Variants in SSBP2 observed in about 807,000 individuals in gnomAD.
The protein encoded by SSBP2 is single stranded DNA binding protein 2, also known as single-stranded DNA-binding protein 2.
Under a neutral mutation model 61.8 loss-of-function variants are expected in SSBP2, and 17 were observed. The ratio of observed to expected loss-of-function variants is 0.28; its 90% CI spans 0.19 to 0.41. The LOEUF (loss-of-function observed/expected upper bound fraction) is 0.41, where lower values mean the gene tolerates loss of function less well. Ranked by LOEUF, SSBP2 falls within the 10% of genes least tolerant of loss-of-function variation. The probability of loss-of-function intolerance (pLI) is 1.00; values close to 1 mark genes in which losing one functional copy is unlikely to be tolerated. For synonymous variants in SSBP2, 139 were observed against 141.3 expected, an observed-to-expected ratio of 0.98 and a Z score of 0.12; for missense variants, 310 against 458.7, an observed-to-expected ratio of 0.68 and a Z score of 2.96.
At chr5:81,607,249 G>A (rs537972189) in intron 4 of SSBP2, among the ~76,000 whole-genome samples, 133 of 152,188 alleles carry the variant, frequency 8.7e-4, no homozygotes, top group Middle Eastern at 6.8e-3. Flanking sequence ...GTGATAAACA[G>A]GACAAGATAA....
intron 10 of SSBP2, among the ~76,000 whole-genome samples, chr5:81,460,656 A>G (rs896731848): frequency 6.6e-6 from 1 of 152,224 alleles, no homozygotes; most frequent in Admixed American, 6.5e-5. Flanking sequence ...TATAGCAAAT[A>G]AAATCATAAT....
At position 81,622,824 on chromosome 5, in the gene SSBP2, T is replaced by C. The variant is rs148950907; in HGVS notation, c.198-7267A>G. 2.3e-4 allele frequency among the ~76,000 whole-genome samples: 35 copies of C among 152,324 alleles called. No individual in the cohort carries two copies. In the Middle Eastern group the frequency reaches 0.01, roughly 44 times the overall value. Reference sequence around the variant, plus strand: ...AGAAAACATTCTGTAAGCCTTACAATGCAAAGTTAAGTTCATAATTAATTC... The same window carrying C: ...AGAAAACATTCTGTAAGCCTTACAACGCAAAGTTAAGTTCATAATTAATTC... On this transcript the variant is annotated intron_variant, in intron 3 of 16. Transcript: ENST00000320672.
chr5:81,665,684 TA>T (rs1561670400), intron 1 of SSBP2, among the ~76,000 whole-genome samples: 1 of 152,092 alleles, frequency 6.6e-6, no homozygotes, highest in Non-Finnish European at 1.5e-5. Context: ...TTAGTAGTAG[TA>T]GTAGAGACGG....
At chr5:81,536,961 A>C (rs2154112868) in intron 4 of SSBP2, among the ~76,000 whole-genome samples, 1 of 151,900 alleles carries the variant, frequency 6.6e-6, no homozygotes, top group South Asian at 2.1e-4. Flanking sequence ...CTGAGATCAC[A>C]ACACTGCACT....
intron 1 of SSBP2, among the ~76,000 whole-genome samples, chr5:81,742,004 G>A (rs773882534): frequency 4.6e-5 from 7 of 152,054 alleles, no homozygotes; most frequent in African/African-American, 7.2e-5. Context: ...ACCTTGGAAC[G>A]AAAAAACTCT....
In SSBP2 at chr5:81,542,817, T is replaced by TTCTCTCTCTCTCTCTCTCTCTC. The variant is rs60252222; in HGVS notation, c.283-29122_283-29101dup. ...ATGGTTTTTATAAGTATTTGACAGT[T>TTCTCTCTCTCTCTCTCTCTCTC]TCTCTCTCTCTCTCTCTCTCTCTCT... is the stretch of plus-strand genomic sequence containing the variant. On this transcript the variant is annotated intron_variant, in intron 4 of 16. Transcript: ENST00000320672. 6.2e-3 allele frequency among the ~76,000 whole-genome samples: 660 copies of TTCTCTCTCTCTCTCTCTCTCTC among 106,704 alleles called. 32 individuals are homozygous for TTCTCTCTCTCTCTCTCTCTCTC. The highest frequency in any genetic ancestry group is 0.02 in the African/African-American group (486 of 24,562). The allele number at this position is 106,704 out of a possible 152,430, so 70.0% of individuals were successfully genotyped here. A position where few individuals can be genotyped will look rare whatever the true frequency, so the allele number is the denominator to read the frequency against.
At chr5:81,644,520 T>C (rs1280282939) in intron 2 of SSBP2, among the ~76,000 whole-genome samples, 2 of 152,200 alleles carry the variant, frequency 1.3e-5, no homozygotes, top group African/African-American at 2.4e-5. Context: ...AAAAATTCCC[T>C]GTAGCAAGGA....
intron 1 of SSBP2, among the ~76,000 whole-genome samples, chr5:81,651,344 ATGAG>A (rs1314627405): frequency 6.6e-6 from 1 of 152,182 alleles, no homozygotes; most frequent in Admixed American, 6.6e-5. Context: ...ATTTACAAAA[ATGAG>A]TATTTTCCTT....
chr5:81,702,758 G>C (rs1050761817), intron 1 of SSBP2, among the ~76,000 whole-genome samples: 1 of 152,168 alleles, frequency 6.6e-6, no homozygotes, highest in Non-Finnish European at 1.5e-5. Flanking sequence ...ATAAAATTGA[G>C]ATTTATTTTT....
chr5:81,693,617 A>C (rs12520757), intron 1 of SSBP2, among the ~76,000 whole-genome samples: 1 of 152,230 alleles, frequency 6.6e-6, no homozygotes, highest in Admixed American at 6.5e-5. Flanking sequence ...ACCAAACAAA[A>C]GTTCAATGAG....
At chr5:81,432,528 C>T (rs976408927) in intron 15 of SSBP2, among the ~76,000 whole-genome samples, 1 of 152,134 alleles carries the variant, frequency 6.6e-6, no homozygotes, top group Non-Finnish European at 1.5e-5. Context: ...AGGCAGATCA[C>T]GATGTCAGGA....
chr5:81,558,964 ATTAT>A (rs1299139720), intron 4 of SSBP2, among the ~76,000 whole-genome samples: 1 of 152,224 alleles, frequency 6.6e-6, no homozygotes, highest in African/African-American at 2.4e-5. Context: ...GTTTTTAAAA[ATTAT>A]TTATAGGCCG....
chr5:81,458,353 AG>A (rs1378543079), intron 10 of SSBP2, among the ~76,000 whole-genome samples: 1 of 152,236 alleles, frequency 6.6e-6, no homozygotes, highest in African/African-American at 2.4e-5. Flanking sequence ...TTAGTTTTTT[AG>A]GAAATATACA....
At chr5:81,573,330 T>A (rs1048287728) in intron 4 of SSBP2, among the ~76,000 whole-genome samples, 2 of 152,246 alleles carry the variant, frequency 1.3e-5, no homozygotes, top group Non-Finnish European at 2.9e-5. Context: ...TAAACACAGA[T>A]AATCCCAGAA....
chr5:81,609,044 C>T (rs1247900307), intron 4 of SSBP2, among the ~76,000 whole-genome samples: 2 of 152,064 alleles, frequency 1.3e-5, no homozygotes, highest in Non-Finnish European at 2.9e-5. Context: ...AACTGAAATG[C>T]TTTGGTTAAA....
At chr5:81,670,676 T>C (rs1166853492) in intron 1 of SSBP2, among the ~76,000 whole-genome samples, 2 of 152,222 alleles carry the variant, frequency 1.3e-5, no homozygotes, top group Non-Finnish European at 2.9e-5. Context: ...TCCTCCTCGC[T>C]TTACCACTAT....
chr5:81,710,660 A>G (rs1043862533), intron 1 of SSBP2: 5 of 452,968 alleles, frequency 1.1e-5, no homozygotes, highest in African/African-American at 1.0e-4. Flanking sequence ...GCACATTTCC[A>G]TAGAAACAAA....
intron 10 of SSBP2, among the ~76,000 whole-genome samples, chr5:81,458,949 C>T (rs1435029168): frequency 6.6e-6 from 1 of 152,082 alleles, no homozygotes; most frequent in Non-Finnish European, 1.5e-5. Flanking sequence ...GAATGATAGG[C>T]CTCCTCCACT....
intron 6 of SSBP2, among the ~76,000 whole-genome samples, chr5:81,484,905 A>G (rs186011762): frequency 2.0e-5 from 3 of 152,304 alleles, no homozygotes; most frequent in East Asian, 3.9e-4. Flanking sequence ...TTCATTCCAT[A>G]TATCTGTTGA....
Sources: gnomAD v4.1 joint callset for allele counts (sites outside exome capture counted in the v4.1 genomes callset) on GRCh38, gnomAD v4.1.1 for gene constraint, MANE v1.5 for transcripts, NCBI Gene and HGNC (gene_info 2026-07-23, HGNC 2026-07-21) for gene names.